The following TAB2 variants were observed in gnomAD, a reference collection of about 807,000 sequenced individuals.
The protein encoded by TAB2 is TGF-beta activated kinase 1 (MAP3K7) binding protein 2.
TAB2 carries 3 observed loss-of-function variants against 65.0 expected under a neutral mutation model. The observed-to-expected ratio is 0.05, with a 90% CI of 0.02 to 0.12. The LOEUF is 0.12. TAB2 is among the 10% of genes least tolerant of loss of function. TAB2 has a pLI of 1.00. For synonymous variants in TAB2, 298 were observed against 285.1 expected, an observed-to-expected ratio of 1.05 and a Z score of -0.46; for missense variants, 623 against 840.3, an observed-to-expected ratio of 0.74 and a Z score of 3.20.
At chr6:149,247,145 C>G (rs764524626) in intron 1 of TAB2, 2 of 152,448 alleles carry the variant, frequency 1.3e-5, no homozygotes, top group Non-Finnish European at 2.9e-5. Context: ...ACCTCTACTG[C>G]CCCCTCGTAA....
At chr6:149,284,526 A>G (rs1778633907) in intron 1 of TAB2, among the ~76,000 whole-genome samples, 1 of 152,148 alleles carries the variant, frequency 6.6e-6, no homozygotes, top group African/African-American at 2.4e-5. Flanking sequence ...GTGCTCAACA[A>G]GAGCTTTTTT....
intron 1 of TAB2, among the ~76,000 whole-genome samples, chr6:149,285,898 A>C (rs1472464014): frequency 6.6e-6 from 1 of 152,202 alleles, no homozygotes; most frequent in Non-Finnish European, 1.5e-5. Context: ...ATTTCTAGCA[A>C]GTTCCCAGGT....
Position 149,409,926 on chromosome 6 carries a change from T to C in TAB2, c.*207T>C, listed in dbSNP as rs1034959481. 9.6e-6 allele frequency: 6 copies of C among 627,440 alleles called. No individual in the cohort carries two copies. The highest frequency in any genetic ancestry group is 1.4e-5 in the Non-Finnish European group (5 of 360,128). The allele number at this position is 627,440 out of a possible 1,614,324, so 38.9% of individuals were successfully genotyped here. ...CAGTTGAAATTCATCACATGAAAAGTAATCTGCTGAAAGACTTGGTTGCCC... is the reference window on the plus strand; with the variant it reads ...CAGTTGAAATTCATCACATGAAAAGCAATCTGCTGAAAGACTTGGTTGCCC... On this transcript the variant is annotated 3_prime_UTR_variant, in exon 7 of 7. Coordinates refer to ENST00000637181, the MANE Select transcript of TAB2 (RefSeq NM_001292034.3).
chr6:149,342,262 C>G (rs1780154065), intron 1 of TAB2, among the ~76,000 whole-genome samples: 1 of 151,862 alleles, frequency 6.6e-6, no homozygotes, highest in South Asian at 2.1e-4. Context: ...ATTAGGGGAG[C>G]GTTTAGAAGA....
In TAB2 at chr6:149,256,963, C is replaced by T. The variant is rs114652890; in HGVS notation, c.-121+38187C>T. On this transcript the variant is annotated intron_variant, in intron 1 of 1. Transcript: ENST00000606202. ...TAAGTCAGTTTAAATTAATTTGGAC[C>T]ATAGTTCTAAAGAAAACCAATCTGA... Among the ~76,000 whole-genome samples the T allele has an allele frequency of 3.0e-3, 451 of 152,200 alleles. 3 individuals are homozygous for T. The highest frequency in any genetic ancestry group is 0.01 in the African/African-American group (430 of 41,530).
At chr6:149,224,522 C>A (rs572753073) in intron 1 of TAB2, among the ~76,000 whole-genome samples, 43 of 152,312 alleles carry the variant, frequency 2.8e-4, no homozygotes, top group Admixed American at 2.4e-3. Flanking sequence ...TATGCTTTGG[C>A]TCCTGGTAAT....
intron 1 of TAB2, among the ~76,000 whole-genome samples, chr6:149,277,697 C>T (rs1329329982): frequency 6.6e-6 from 1 of 152,086 alleles, no homozygotes; most frequent in East Asian, 1.9e-4. Context: ...TTAAACTCTA[C>T]CTTGTGAGAA....
At chr6:149,316,746 G>A (rs1003392670), upstream of TAB2, among the ~76,000 whole-genome samples, 2 of 152,192 alleles carry the variant, frequency 1.3e-5, no homozygotes, top group Middle Eastern at 3.4e-3. Context: ...TTCTAGGAAC[G>A]TGCAATTAAA....
chr6:149,388,489 C>T (rs1365775792), intron 3 of TAB2, among the ~76,000 whole-genome samples: 2 of 152,176 alleles, frequency 1.3e-5, no homozygotes, highest in Non-Finnish European at 2.9e-5. Context: ...CCAGTTTATG[C>T]TCCCATACTT....
chr6:149,406,905 C>G (rs575265775), intron 6 of TAB2, among the ~76,000 whole-genome samples: 2 of 151,978 alleles, frequency 1.3e-5, no homozygotes, highest in African/African-American at 2.4e-5. Flanking sequence ...TTAGTACAGA[C>G]GGGGTTTCTC....
chr6:149,275,290 A>AAG (rs1491052876), intron 1 of TAB2, among the ~76,000 whole-genome samples: 3 of 141,172 alleles, frequency 2.1e-5, no homozygotes, highest in Non-Finnish European at 4.7e-5. Context: ...GAAAGAAAGA[A>AAG]AGAAAGAAAG....
chr6:149,293,912 G>C (rs891280848), intron 1 of TAB2, among the ~76,000 whole-genome samples: 1 of 151,956 alleles, frequency 6.6e-6, no homozygotes, highest in Non-Finnish European at 1.5e-5. Flanking sequence ...TGTTTCAATG[G>C]TGAAAAGGCA....
At chr6:149,225,202 C>T (rs1777243656) in intron 1 of TAB2, among the ~76,000 whole-genome samples, 1 of 152,132 alleles carries the variant, frequency 6.6e-6, no homozygotes, top group African/African-American at 2.4e-5. Flanking sequence ...GAAAAGCAGG[C>T]AACAGGAACA....
At chr6:149,304,360 C>T (rs1583074219) in intron 1 of TAB2, 2 of 153,290 alleles carry the variant, frequency 1.3e-5, no homozygotes, top group South Asian at 4.1e-4. Flanking sequence ...GTGATCACAT[C>T]TCCATTTCTA....
At chr6:149,260,730 C>T (rs934678412) in intron 1 of TAB2, among the ~76,000 whole-genome samples, 27 of 152,234 alleles carry the variant, frequency 1.8e-4, no homozygotes, top group African/African-American at 6.5e-4. Context: ...GAGAAGGGAG[C>T]CTGCTGGGTG....
intron 1 of TAB2, among the ~76,000 whole-genome samples, chr6:149,283,634 C>T (rs1275742087): frequency 4.6e-5 from 7 of 151,984 alleles, no homozygotes; most frequent in Non-Finnish European, 1.0e-4. Flanking sequence ...CACTTGAACC[C>T]GAGAGGCAGA....
chr6:149,269,365 C>T (rs968084918), intron 1 of TAB2, among the ~76,000 whole-genome samples: 10 of 152,050 alleles, frequency 6.6e-5, no homozygotes, highest in Admixed American at 3.3e-4. Context: ...GTGATAGATA[C>T]CATTTTTAAA....
chr6:149,399,278 C>G (rs1357810243), intron 6 of TAB2, 94 bp downstream of exon 6: 2 of 899,464 alleles, frequency 2.2e-6, no homozygotes, highest in African/African-American at 3.3e-5. Context: ...TCTAGAATTG[C>G]TTCAAACTTT....
At chr6:149,288,075 T>G (rs1343866957) in intron 1 of TAB2, among the ~76,000 whole-genome samples, 4 of 152,214 alleles carry the variant, frequency 2.6e-5, no homozygotes, top group African/African-American at 4.8e-5. Flanking sequence ...TAAATATTGT[T>G]AAACCTTTAC....
Sources: allele counts gnomAD v4.1 joint callset (sites outside exome capture counted in the v4.1 genomes callset), GRCh38; gene constraint gnomAD v4.1.1; transcripts MANE v1.5; gene names NCBI Gene and HGNC (gene_info 2026-07-23, HGNC 2026-07-21).